CSMD1: variants seen among roughly 807,000 people sequenced by gnomAD.
The protein encoded by CSMD1 is CUB and sushi domain-containing protein 1.
Under a neutral mutation model 417.5 loss-of-function variants are expected in CSMD1, and 213 were observed. That is an observed-to-expected ratio of 0.51 (90% CI 0.46 to 0.57). The LOEUF (loss-of-function observed/expected upper bound fraction) is 0.57. Ranked by LOEUF, CSMD1 falls within the 20% of genes least tolerant of loss-of-function variation. CSMD1 has a pLI of 0.00. For synonymous variants in CSMD1, 2,862 were observed against 1,736.8 expected (o/e 1.65, Z -16.11); for missense variants, 6,923 against 4,529.7 (o/e 1.53, Z -15.17).
intron 10 of CSMD1, among the ~76,000 whole-genome samples, chr8:3,512,745 A>T (rs1797129218): frequency 6.6e-6 from 1 of 151,630 alleles, no homozygotes; most frequent in African/African-American, 2.4e-5. Context: ...AGTAGCTGGG[A>T]CTATAGGTGC....
At chr8:3,759,538 T>G (rs900447838) in intron 5 of CSMD1, among the ~76,000 whole-genome samples, 1 of 151,862 alleles carries the variant, frequency 6.6e-6, no homozygotes, top group African/African-American at 2.4e-5. Context: ...TGAAAGAGAT[T>G]ATGGGGCAAA....
chr8:3,581,447 T>G (rs950401074), intron 9 of CSMD1, among the ~76,000 whole-genome samples: 5 of 152,200 alleles, frequency 3.3e-5, no homozygotes, highest in Non-Finnish European at 7.3e-5. Context: ...CAGAGCTAAT[T>G]AGCTAATGTA....
At chr8:3,654,666 C>T (rs932599942) in intron 7 of CSMD1, among the ~76,000 whole-genome samples, 3 of 152,284 alleles carry the variant, frequency 2.0e-5, no homozygotes, top group African/African-American at 7.2e-5. Flanking sequence ...TTGTGATATG[C>T]TAAGTAAGAC....
Position 4,526,827 on chromosome 8 carries a change from C to T in CSMD1, c.303-106762G>A, listed in dbSNP as rs118063552. On this transcript the variant is annotated intron_variant, in intron 2 of 69. Coordinates refer to ENST00000635120, the MANE Select transcript of CSMD1 (RefSeq NM_033225.6). ...TCTAACCCTGGAGAATAAATTTAATCGACAAATGTTTTTTTTCTCCCCCCA... is the reference window on the plus strand; with the variant it reads ...TCTAACCCTGGAGAATAAATTTAATTGACAAATGTTTTTTTTCTCCCCCCA... Among the ~76,000 whole-genome samples, 204 of 152,170 alleles carry T rather than the reference C, an allele frequency of 1.3e-3. 4 individuals are homozygous for T. In the East Asian group the frequency reaches 0.032, roughly 24 times the overall value.
At chr8:4,307,099 A>G (rs141171716) in intron 3 of CSMD1, among the ~76,000 whole-genome samples, 1 of 152,096 alleles carries the variant, frequency 6.6e-6, no homozygotes, top group African/African-American at 2.4e-5. Flanking sequence ...CAATTGTTTT[A>G]TCTCTACAAG....
chr8:4,974,823 C>T (rs1470061704), intron 1 of CSMD1, among the ~76,000 whole-genome samples: 5 of 152,128 alleles, frequency 3.3e-5, no homozygotes, highest in South Asian at 2.1e-4. Context: ...ATTGAGCTGT[C>T]TCCCAATGAT....
intron 15 of CSMD1, among the ~76,000 whole-genome samples, chr8:3,400,264 C>A (rs1032508761): frequency 6.6e-6 from 1 of 152,090 alleles, no homozygotes; most frequent in African/African-American, 2.4e-5. Context: ...CACATGTTTT[C>A]TTTCAGATTT....
At chr8:4,524,540 T>A (rs1028040275) in intron 2 of CSMD1, among the ~76,000 whole-genome samples, 11 of 151,672 alleles carry the variant, frequency 7.3e-5, no homozygotes, top group African/African-American at 2.4e-4. Flanking sequence ...AACCCTGCAT[T>A]TTCATGACCA....
intron 3 of CSMD1, among the ~76,000 whole-genome samples, chr8:4,125,835 G>C (rs1190715565): frequency 6.6e-6 from 1 of 152,166 alleles, no homozygotes; most frequent in African/African-American, 2.4e-5. Flanking sequence ...CTTACCTGGT[G>C]TCCAGTCTGC....
intron 1 of CSMD1, among the ~76,000 whole-genome samples, chr8:4,664,378 G>A (rs1446245706): frequency 6.6e-6 from 1 of 152,046 alleles, no homozygotes; most frequent in Non-Finnish European, 1.5e-5. Context: ...TGGGCAACAT[G>A]GTGAAACCCC....
At chr8:4,610,331 A>C (rs2725046) in intron 2 of CSMD1, among the ~76,000 whole-genome samples, 1 of 151,972 alleles carries the variant, frequency 6.6e-6, no homozygotes. Flanking sequence ...CAACATATCA[A>C]GCACTATTGT....
At chr8:3,108,836 T>A (rs11774005) in intron 43 of CSMD1, 88 bp from the exon 44 acceptor site, 201,201 of 1,319,978 alleles carry the variant, frequency 0.15, 16,476 homozygotes, top group Non-Finnish European at 0.17. Context: ...TTAATTTTTT[T>A]AATAAAAGCA....
intron 57 of CSMD1, among the ~76,000 whole-genome samples, chr8:2,967,683 G>A (rs1330021980): frequency 6.6e-6 from 1 of 152,152 alleles, no homozygotes; most frequent in Non-Finnish European, 1.5e-5. Flanking sequence ...GACTGCCTCT[G>A]AGCTGATCAA....
At chr8:3,453,460 T>C (rs1176435279) in intron 12 of CSMD1, among the ~76,000 whole-genome samples, 1 of 152,208 alleles carries the variant, frequency 6.6e-6, no homozygotes, top group Non-Finnish European at 1.5e-5. Flanking sequence ...GTGCTATAAA[T>C]TTCCCTCTAC....
intron 9 of CSMD1, among the ~76,000 whole-genome samples, chr8:3,584,241 A>G (rs1800504940): frequency 6.6e-6 from 1 of 152,196 alleles, no homozygotes; most frequent in Admixed American, 6.5e-5. Flanking sequence ...AAGATTGACA[A>G]AGCCAGGCAC....
chr8:4,078,929 ATATATATATATATG>A (rs1463084895), intron 3 of CSMD1, among the ~76,000 whole-genome samples: 1,758 of 26,778 alleles, frequency 0.066, 62 homozygotes, highest in African/African-American at 0.097. Context: ...ATATATATAT[ATATATATATATATG>A]TATGTTGAAA....
intron 23 of CSMD1, among the ~76,000 whole-genome samples, chr8:3,325,125 A>G (rs1371180072): frequency 6.6e-6 from 1 of 152,194 alleles, no homozygotes; most frequent in African/African-American, 2.4e-5. Context: ...AAAATGACCT[A>G]CATAACAAAA....
At chr8:3,553,758 T>C (rs1799020439) in intron 10 of CSMD1, among the ~76,000 whole-genome samples, 2 of 152,210 alleles carry the variant, frequency 1.3e-5, no homozygotes, top group African/African-American at 4.8e-5. Context: ...TTAATAAATC[T>C]AGAGAGATGT....
At chr8:4,085,175 G>A (rs1328607015) in intron 3 of CSMD1, among the ~76,000 whole-genome samples, 1 of 152,178 alleles carries the variant, frequency 6.6e-6, no homozygotes, top group African/African-American at 2.4e-5. Context: ...ACTCTGCTGA[G>A]GATGGCAGCA....
Sources: gnomAD v4.1 joint callset for allele counts (sites outside exome capture counted in the v4.1 genomes callset) on GRCh38, gnomAD v4.1.1 for gene constraint, MANE v1.5 for transcripts, NCBI Gene and HGNC (gene_info 2026-07-23, HGNC 2026-07-21) for gene names.